The following MED22 variants were observed in gnomAD, a reference collection of about 807,000 sequenced individuals.
MED22 encodes the protein mediator of RNA polymerase II transcription subunit 22.
MED22 carries 22 observed loss-of-function variants against 22.7 expected under a neutral mutation model. The ratio of observed to expected loss-of-function variants is 0.97; its 90% CI spans 0.69 to 1.38. The LOEUF is 1.38. Among genes scored for constraint, MED22 ranks in the 40% most tolerant of loss-of-function variants. MED22 has a pLI of 0.00. For synonymous variants in MED22, 134 were observed against 119.4 expected (o/e 1.12, Z -0.80); for missense variants, 247 against 263.0 (o/e 0.94, Z 0.42).
chr9:133,344,244 A>G lies in MED22; in HGVS notation c.294T>C (p.Ile98=). The change falls in exon 4 of 5, where the codon ATT becomes ATC. Residue 98 remains isoleucine (I), a synonymous_variant. Coordinates refer to ENST00000343730, the MANE Select transcript of MED22 (RefSeq NM_133640.5). ...LNDFPSVNEA[I]DQRNQQLRTL... is the part of the protein sequence containing the mutation. ...TGCGCAGCTGCTGGTTGCGCTGGTC[A>G]ATGGCCTCGTTCACGGAGGGGAAGT... 3 of 1,614,170 alleles carry G rather than the reference A, an allele frequency of 1.9e-6. No individual in the cohort carries two copies. The highest frequency in any genetic ancestry group is 2.5e-6 in the Non-Finnish European group (3 of 1,180,024).
In MED22 at chr9:133,341,467, A is replaced by G; in HGVS notation, c.*38T>C. The G allele has an allele frequency of 6.9e-7, 1 of 1,457,650 alleles. No homozygotes were observed. Among genetic ancestry groups the G allele is most frequent in the Middle Eastern group, 2.6e-4 (1 of 3,912 alleles). The allele number at this position is 1,457,650 out of a possible 1,614,324, so 90.3% of individuals were successfully genotyped here. A position where few individuals can be genotyped will look rare whatever the true frequency, so the allele number is the denominator to read the frequency against. The stretch of plus-strand genomic sequence containing the variant: ...GTGAGGGCATCCAAAGGGCTGCCTC[A>G]GGTTTTGTTCCTGAGAACGAAGCGT... On this transcript the variant is annotated 3_prime_UTR_variant, in exon 5 of 5. Transcript: ENST00000343730.
chr9:133,343,839 G>T (rs1042914104), intron 4 of MED22: 1 of 1,411,722 alleles, frequency 7.1e-7, no homozygotes, highest in African/African-American at 1.4e-5. Context: ...GGGCCTGCGG[G>T]GGATACAGCC....
In MED22 at chr9:133,339,597, T is replaced by C; in HGVS notation, c.*1908A>G. ...GAGGATATGCAATCATCATCCATTC[T>C]GGTTGTGGTGATGGACGAAGGAGAA... is the stretch of plus-strand genomic sequence containing the variant. On this transcript the variant is annotated 3_prime_UTR_variant, in exon 5 of 5. Coordinates refer to ENST00000343730, the MANE Select transcript of MED22 (RefSeq NM_133640.5). 1 of 439,092 alleles carries C rather than the reference T, an allele frequency of 2.3e-6. No homozygotes were observed. Among genetic ancestry groups the C allele is most frequent in the South Asian group, 2.4e-5 (1 of 42,416 alleles). The allele number at this position is 439,092 out of a possible 1,614,324, so 27.2% of individuals were successfully genotyped here.
intron 1 of MED22, chr9:133,347,453 T>A (rs1836219614): frequency 6.6e-6 from 1 of 151,850 alleles, no homozygotes. Flanking sequence ...GAAGCACAGG[T>A]CGCAGTGAGC....
At position 133,341,394 on chromosome 9, in the gene MED22, G is replaced by A; in HGVS notation, c.*111C>T. The A allele has an allele frequency of 8.3e-7, 1 of 1,208,310 alleles. No homozygotes were observed. Among genetic ancestry groups the A allele is most frequent in the South Asian group, 2.0e-5 (1 of 49,626 alleles). 74.8% of individuals were successfully genotyped at this position (1,208,310 alleles called of 1,614,324 possible). A position where few individuals can be genotyped will look rare whatever the true frequency, so the allele number is the denominator to read the frequency against. On this transcript the variant is annotated 3_prime_UTR_variant, in exon 5 of 5. Transcript: ENST00000343730. ...TCCCAAGGAAGTCCTAGTGGCTCTG[G>A]GGTCCTGAAGTCCCCAAATGGGAAC... is the stretch of plus-strand genomic sequence containing the variant.
chr9:133,339,236 T>C lies in MED22; in HGVS notation c.*2269A>G. 1 of 701,880 alleles carries C rather than the reference T, an allele frequency of 1.4e-6. No homozygotes were observed. Among genetic ancestry groups the C allele is most frequent in the South Asian group, 1.4e-5 (1 of 73,598 alleles). The allele number at this position is 701,880 out of a possible 1,614,324, so 43.5% of individuals were successfully genotyped here. ...TGTTGTAAACAAGTAAGGGCAAGAT[T>C]CTTGCCAAGAGAATGAATGTGCATA... On this transcript the variant is annotated 3_prime_UTR_variant, in exon 5 of 5. Transcript: ENST00000343730.
chr9:133,342,861 T>C (rs987802406), intron 4 of MED22: 8 of 985,378 alleles, frequency 8.1e-6, no homozygotes, highest in African/African-American at 1.7e-5. Context: ...AGGTTCCCTC[T>C]CTCCCTGCCC....
chr9:133,346,713 ACAGACCTCTGAGTGCAGG>A lies in MED22; in HGVS notation c.-38-31_-38-14del. The A allele has an allele frequency of 6.3e-7, 1 of 1,597,034 alleles. No individual in the cohort carries two copies. Among genetic ancestry groups the A allele is most frequent in the Non-Finnish European group, 8.5e-7 (1 of 1,175,112 alleles). On this transcript the variant is annotated splice_polypyrimidine_tract_variant and intron_variant, in intron 1 of 4. Coordinates refer to ENST00000343730, the MANE Select transcript of MED22 (RefSeq NM_133640.5). ...GGAGACCTGGGACCTAGAGTGCAGC[ACAGACCTCTGAGTGCAGG>A]CAGAGTCTACCCCAGCCACCCTCTA...
At chr9:133,343,840 G>T in intron 4 of MED22, 1 of 1,413,434 alleles carries the variant, frequency 7.1e-7, no homozygotes, top group Non-Finnish European at 9.2e-7. Flanking sequence ...GGCCTGCGGG[G>T]GATACAGCCA....
chr9:133,341,666 G>A lies in MED22; in HGVS notation c.442C>T (p.Pro148Ser), dbSNP rs1387693898. Residue 148 changes from proline to serine, a missense_variant, in exon 5 of 5, where the codon CCT becomes TCT. Physicochemically the swap from Pro to Ser is moderately conservative, Grantham distance 74. Coordinates refer to ENST00000343730, the MANE Select transcript of MED22 (RefSeq NM_133640.5). ...AGCCTCCCGTAAGCTTCGCACAGAG[G>A]CAGGTCATTAGCTTCGCAAAGGCTT... ...SSSLCEANDLPLCEAYGRLDL... is the reference protein window; with the variant it reads ...SSSLCEANDLSLCEAYGRLDL... 2 of 1,608,106 alleles carry A rather than the reference G, an allele frequency of 1.2e-6. No homozygotes were observed. The highest frequency in any genetic ancestry group is 1.7e-6 in the Non-Finnish European group (2 of 1,177,346).
intron 3 of MED22, 135 bp downstream of exon 3, chr9:133,345,037 A>T: frequency 1.3e-6 from 1 of 776,200 alleles, no homozygotes; most frequent in Non-Finnish European, 2.1e-6. Context: ...AAGCATCTCT[A>T]CATTTGCCTC....
chr9:133,343,345 AG>A (rs1370585889), intron 4 of MED22: 1 of 1,230,224 alleles, frequency 8.1e-7, no homozygotes, highest in African/African-American at 1.6e-5. Context: ...GCAGAGTGGA[AG>A]GCCTCCCTGT....
At position 133,339,470 on chromosome 9, in the gene MED22, T is replaced by G; in HGVS notation, c.*2035A>C. On this transcript the variant is annotated 3_prime_UTR_variant, in exon 5 of 5. Coordinates refer to ENST00000343730, the MANE Select transcript of MED22 (RefSeq NM_133640.5). Reference sequence around the variant, plus strand: ...CCCTATGAATTCATGGCATCGTGGGTGTTAAAAAAATAAAAGACCTCTGGA... The same window carrying G: ...CCCTATGAATTCATGGCATCGTGGGGGTTAAAAAAATAAAAGACCTCTGGA... 1 of 710,580 alleles carries G rather than the reference T, an allele frequency of 1.4e-6. No homozygotes were observed. Among genetic ancestry groups the G allele is most frequent in the East Asian group, 2.7e-5 (1 of 37,646 alleles). 44.0% of individuals were successfully genotyped at this position (710,580 alleles called of 1,614,324 possible).
chr9:133,343,090 C>T, intron 4 of MED22: 2 of 1,001,390 alleles, frequency 2.0e-6, no homozygotes, highest in Non-Finnish European at 2.4e-6. Flanking sequence ...ACCAAAGATT[C>T]CCTCAGAACC....
chr9:133,346,727 G>A, intron 1 of MED22, 27 bp from the exon 2 acceptor site: 1 of 1,577,742 alleles, frequency 6.3e-7, no homozygotes, highest in Non-Finnish European at 8.6e-7. Context: ...ACCTCTGAGT[G>A]CAGGCAGAGT....
At chr9:133,343,787 A>G in intron 4 of MED22, 1 of 1,369,000 alleles carries the variant, frequency 7.3e-7, no homozygotes, top group Non-Finnish European at 9.4e-7. Flanking sequence ...GGAGCAGCAC[A>G]GCCCCAGAAC....
rs961975951 is a variant in MED22, at chr9:133,339,202, T to A, written c.*2303A>T. On this transcript the variant is annotated 3_prime_UTR_variant, in exon 5 of 5. Coordinates refer to ENST00000343730, the MANE Select transcript of MED22 (RefSeq NM_133640.5). ...GAGTCTACAGTGTTCCCCAGCATGCTGTTGGCACTGTTGTAAACAAGTAAG... is the reference window on the plus strand; with the variant it reads ...GAGTCTACAGTGTTCCCCAGCATGCAGTTGGCACTGTTGTAAACAAGTAAG... The A allele has an allele frequency of 1.4e-6, 1 of 694,512 alleles. No individual in the cohort carries two copies. Among genetic ancestry groups the A allele is most frequent in the South Asian group, 1.4e-5 (1 of 73,594 alleles). 43.0% of individuals were successfully genotyped at this position (694,512 alleles called of 1,614,324 possible). A position where few individuals can be genotyped will look rare whatever the true frequency, so the allele number is the denominator to read the frequency against.
chr9:133,343,637 C>G lies in MED22; in HGVS notation c.413+488G>C, dbSNP rs2129957387. ...CATCCCCCACATTCCCATGACTGTC[C>G]CTGCCTCCACACTGGGGTTTGGTGA... On this transcript the variant is annotated intron_variant, in intron 4 of 4. Coordinates refer to ENST00000343730, the MANE Select transcript of MED22 (RefSeq NM_133640.5). 14 of 1,248,574 alleles carry G rather than the reference C, an allele frequency of 1.1e-5. No individual in the cohort carries two copies. In the African/African-American group the frequency reaches 1.7e-4, roughly 15 times the overall value. 77.3% of individuals were successfully genotyped at this position (1,248,574 alleles called of 1,614,324 possible). A position where few individuals can be genotyped will look rare whatever the true frequency, so the allele number is the denominator to read the frequency against.
rs1835983178 is a variant in MED22, at chr9:133,340,864, T to A, written c.*641A>T. ...CGGACAACTGCTGGGAGACCAAGGA[T>A]GGTCCTGGACTGACAAGGAATGAGG... On this transcript the variant is annotated 3_prime_UTR_variant, in exon 5 of 5. Coordinates refer to ENST00000343730, the MANE Select transcript of MED22 (RefSeq NM_133640.5). The A allele has an allele frequency of 6.6e-6, 1 of 152,332 alleles. No homozygotes were observed. The allele number at this position is 152,332 out of a possible 1,614,324, so 9.4% of individuals were successfully genotyped here.
Sources: gnomAD v4.1 joint callset for allele counts on GRCh38, gnomAD v4.1.1 for gene constraint, MANE v1.5 for transcripts, NCBI Gene and HGNC (gene_info 2026-07-23, HGNC 2026-07-21) for gene names.